Variants in HIPK2 observed in about 807,000 individuals in gnomAD.
HIPK2 encodes homeodomain interacting protein kinase 2, also known as homeodomain-interacting protein kinase 2.
Under a neutral mutation model 113.7 loss-of-function variants are expected in HIPK2, and 27 were observed. The observed-to-expected ratio is 0.24, with a 90% CI of 0.17 to 0.33. The LOEUF is 0.33. Ranked by LOEUF, HIPK2 falls within the 10% of genes least tolerant of loss-of-function variation. HIPK2 has a pLI of 1.00. For missense variants in HIPK2, 1,257 were observed against 1,588.0 expected (o/e 0.79, Z 3.54); for synonymous variants, 631 against 642.2 (o/e 0.98, Z 0.26).
chr7:139,610,184 A>C (rs1384129066), intron 9 of HIPK2, among the ~76,000 whole-genome samples: 1 of 152,242 alleles, frequency 6.6e-6, no homozygotes, highest in Non-Finnish European at 1.5e-5. Context: ...AAACTGAACA[A>C]CGAAGAATCC....
intron 2 of HIPK2, among the ~76,000 whole-genome samples, chr7:139,648,347 C>G (rs1382147754): frequency 6.6e-6 from 1 of 152,150 alleles, no homozygotes; most frequent in Non-Finnish European, 1.5e-5. Context: ...GTTTCCCTGA[C>G]TATATAGAGG....
chr7:139,639,557 A>G (rs1291104347), intron 2 of HIPK2, among the ~76,000 whole-genome samples: 1 of 152,192 alleles, frequency 6.6e-6, no homozygotes, highest in African/African-American at 2.4e-5. Context: ...AAGTGTGTAC[A>G]TAGTACACAA....
intron 1 of HIPK2, among the ~76,000 whole-genome samples, chr7:139,740,021 T>C (rs1796053778): frequency 6.6e-6 from 1 of 152,162 alleles, no homozygotes; most frequent in South Asian, 2.1e-4. Flanking sequence ...ACACGTGTTT[T>C]TATTCCTCTC....
intron 2 of HIPK2, among the ~76,000 whole-genome samples, chr7:139,665,949 C>CT (rs375858246): frequency 0.16 from 22,736 of 145,466 alleles, 2,082 homozygotes; most frequent in East Asian, 0.4. Context: ...AGGAGGTCTG[C>CT]CTTTTTTTTT....
At chr7:139,645,026 C>A (rs1801158315) in intron 2 of HIPK2, among the ~76,000 whole-genome samples, 1 of 152,234 alleles carries the variant, frequency 6.6e-6, no homozygotes, top group South Asian at 2.1e-4. Flanking sequence ...TTAGCTTCGA[C>A]TGGTTCATGG....
In HIPK2 at chr7:139,740,760, G is replaced by T. The variant is rs543892120; in HGVS notation, c.20-23745C>A. ...GCCAAGTCCACCACCAATGCAACTG[G>T]TGAGTCAGTATCAGGCATGTGTCCC... On this transcript the variant is annotated intron_variant, in intron 1 of 14. Transcript: ENST00000406875. Among the ~76,000 whole-genome samples, 3 of 152,348 alleles carry T rather than the reference G, an allele frequency of 2.0e-5. No homozygotes were observed. In the South Asian group the frequency reaches 6.2e-4, roughly 32 times the overall value.
At chr7:139,742,701 G>A (rs1796123700) in intron 1 of HIPK2, among the ~76,000 whole-genome samples, 1 of 152,194 alleles carries the variant, frequency 6.6e-6, no homozygotes, top group Admixed American at 6.5e-5. Flanking sequence ...GAAAATAGCA[G>A]CTAGGTAGGG....
At chr7:139,704,444 AC>A (rs1429599529) in intron 2 of HIPK2, among the ~76,000 whole-genome samples, 1 of 139,174 alleles carries the variant, frequency 7.2e-6, no homozygotes, top group Admixed American at 7.1e-5. Context: ...CAACATACAC[AC>A]CCCCAACACA....
intron 1 of HIPK2, among the ~76,000 whole-genome samples, chr7:139,722,715 G>A (rs1019176560): frequency 6.6e-6 from 1 of 151,830 alleles, no homozygotes; most frequent in Non-Finnish European, 1.5e-5. Context: ...TACCCTGTTA[G>A]GCCAATTCAA....
In HIPK2 at chr7:139,613,383, A is replaced by G; in HGVS notation, c.1991-60T>C. ...CTGAGACGCTGTGAACAGCTGGATG[A>G]AAAGAACCTTCCTGGGCAGTTATGT... On this transcript the variant is annotated intron_variant, in intron 8 of 14. Transcript: ENST00000406875. The surrounding 1 kb of genome is among the most constrained non-coding windows in gnomAD (Gnocchi z 4.2). 1 of 1,590,850 alleles carries G rather than the reference A, an allele frequency of 6.3e-7. No homozygotes were observed. Among genetic ancestry groups the G allele is most frequent in the East Asian group, 2.3e-5 (1 of 44,158 alleles).
intron 2 of HIPK2, among the ~76,000 whole-genome samples, chr7:139,661,106 T>C (rs1801853948): frequency 6.6e-6 from 1 of 152,176 alleles, no homozygotes; most frequent in African/African-American, 2.4e-5. Context: ...GTATAAATAC[T>C]GCTTCCATGG....
At chr7:139,609,870 C>G (rs1799752456) in intron 9 of HIPK2, among the ~76,000 whole-genome samples, 2 of 152,210 alleles carry the variant, frequency 1.3e-5, no homozygotes, top group Admixed American at 6.5e-5. Context: ...ACACAAAGGT[C>G]TACCATGTTC....
rs185851456 is a variant in HIPK2, at chr7:139,712,291, G to A, written c.1103+3641C>T. Among the ~76,000 whole-genome samples the A allele has an allele frequency of 3.1e-3, 475 of 152,340 alleles. 2 individuals carry two copies. Among genetic ancestry groups the A allele is most frequent in the African/African-American group, 0.011 (449 of 41,572 alleles). On this transcript the variant is annotated intron_variant, in intron 2 of 14. Transcript: ENST00000406875. ...GCTGGGGAAAACAGTTGGCTCCGGG[G>A]ACACCACCTCCTTTTCCAAGTCCCC...
chr7:139,727,025 G>A (rs576293543), intron 1 of HIPK2, among the ~76,000 whole-genome samples: 21 of 152,286 alleles, frequency 1.4e-4, no homozygotes, highest in South Asian at 1.2e-3. Context: ...AAAAAAGCCA[G>A]GTTAGGGAAT....
intron 1 of HIPK2, among the ~76,000 whole-genome samples, chr7:139,765,807 C>T (rs80056090): frequency 2.0e-5 from 3 of 152,138 alleles, no homozygotes; most frequent in South Asian, 2.1e-4. Context: ...CTGCCTCCCC[C>T]CTTCTGCCCC....
intron 1 of HIPK2, among the ~76,000 whole-genome samples, chr7:139,763,348 G>A (rs1256330934): frequency 6.6e-6 from 1 of 152,164 alleles, no homozygotes. Context: ...GGAGGGACAA[G>A]TCAGGAAGCC....
intron 1 of HIPK2, among the ~76,000 whole-genome samples, chr7:139,764,081 A>G (rs1471379826): frequency 6.6e-6 from 1 of 152,214 alleles, no homozygotes; most frequent in African/African-American, 2.4e-5. Flanking sequence ...TTCAGGCATG[A>G]GTTATAGTGC....
chr7:139,587,389 T>C (rs1798868598), intron 12 of HIPK2, among the ~76,000 whole-genome samples: 1 of 143,006 alleles, frequency 7.0e-6, no homozygotes, highest in Non-Finnish European at 1.5e-5. Context: ...ACTCAGAGCC[T>C]GAGGCAGTAG....
intron 2 of HIPK2, among the ~76,000 whole-genome samples, chr7:139,678,114 A>G (rs574007352): frequency 2.0e-4 from 30 of 152,102 alleles, no homozygotes; most frequent in Non-Finnish European, 3.5e-4. Flanking sequence ...TAGATTCTGG[A>G]TATTAGCCCT....
Sources: allele counts gnomAD v4.1 joint callset (sites outside exome capture counted in the v4.1 genomes callset), GRCh38; gene constraint gnomAD v4.1.1; non-coding constraint Gnocchi (gnomAD v3.1); transcripts MANE v1.5; gene names NCBI Gene and HGNC (gene_info 2026-07-23, HGNC 2026-07-21).